Variants in TGFB1 observed in about 807,000 individuals in gnomAD.
TGFB1 encodes the protein transforming growth factor beta 1.
A neutral mutation model predicts 43.8 loss-of-function variants in TGFB1; 19 were observed. The observed-to-expected ratio is 0.43, with a 90% confidence interval of 0.30 to 0.64. TGFB1 has a LOEUF of 0.64. Among genes scored for constraint, TGFB1 ranks in the 30% least tolerant of loss-of-function variants. The probability of loss-of-function intolerance (pLI) is 0.11; values close to 1 mark genes in which losing one functional copy is unlikely to be tolerated. For missense variants in TGFB1, 445 were observed against 529.8 expected (o/e 0.84, Z 1.57); for synonymous variants, 221 against 236.3 (o/e 0.94, Z 0.60).
intron 2 of TGFB1, among the ~76,000 whole-genome samples, chr19:41,345,892 ACT>A (rs941534755): frequency 3.3e-5 from 5 of 151,166 alleles, no homozygotes; most frequent in Admixed American, 6.6e-5. Flanking sequence ...ACAGAGTGAG[ACT>A]CTGTCTCAAA....
chr19:41,342,340 C>T, intron 3 of TGFB1, 93 bp from the exon 4 acceptor site: 1 of 1,255,396 alleles, frequency 8.0e-7, no homozygotes. Flanking sequence ...CAGGGGCTTC[C>T]TTCCTGCCTC....
Position 41,353,059 on chromosome 19 carries a change from C to A in TGFB1, c.-15G>T. The A allele has an allele frequency of 4.6e-6, 7 of 1,514,694 alleles. No individual in the cohort carries two copies. Among genetic ancestry groups the A allele is most frequent in the Non-Finnish European group, 4.4e-6 (5 of 1,136,432 alleles). 93.8% of individuals were successfully genotyped at this position (1,514,694 alleles called of 1,614,324 possible). On this transcript the variant is annotated 5_prime_UTR_variant, in exon 1 of 7. Coordinates refer to ENST00000221930, the MANE Select transcript of TGFB1 (RefSeq NM_000660.7). This position sits in a 1 kb window ranked among gnomAD's most constrained non-coding sequence, Gnocchi z 5.9. ...GAGGGCGGCATGGGGGAGGCGGCGC[C>A]CCCCGGCACTGCCGAGAGCGCGAAC...
chr19:41,342,390 C>CTTTT (rs55678429), intron 3 of TGFB1, 143 bp from the exon 4 acceptor site: 3 of 432,302 alleles, frequency 6.9e-6, no homozygotes, highest in Non-Finnish European at 1.2e-5. Flanking sequence ...GCAGCTCTCT[C>CTTTT]TTTTTTTTTT....
intron 1 of TGFB1, among the ~76,000 whole-genome samples, chr19:41,352,137 C>G (rs2038208151): frequency 6.6e-6 from 1 of 152,002 alleles, no homozygotes; most frequent in Non-Finnish European, 1.5e-5. Flanking sequence ...CCGCGTGTTC[C>G]TGGCAGCCTC....
rs1235029131 is a variant in TGFB1 at position 41,348,444 on chromosome 19, T to C, written c.367A>G (p.Lys123Glu). 1.2e-6 allele frequency: 2 copies of C among 1,613,116 alleles called. No individual in the cohort carries two copies. The highest frequency in any genetic ancestry group is 2.7e-5 in the African/African-American group (2 of 74,962). ...ATGCTGTGTGTACTCTGCTTGAACT[T>C]GTCATAGATTTCTAGCAGGGAGAAA... The part of the protein sequence containing the change: ...MVETHNEIYD[K>E]FKQSTHSIYM... The change falls in exon 2 of 7, where the codon AAG (lysine) becomes GAG (glutamate). Residue 123 changes from lysine to glutamate, a missense_variant. Around this residue, in one of 3 missense-constraint regions of TGFB1, gnomAD observed 366 missense variants for 428.8 expected, o/e 0.85. Coordinates refer to ENST00000221930, the MANE Select transcript of TGFB1 (RefSeq NM_000660.7).
Position 41,330,531 on chromosome 19 carries a change from G to A in TGFB1, c.*521C>T, listed in dbSNP as rs2037917582. 6.5e-6 allele frequency: 1 copy of A among 152,750 alleles called. No homozygotes were observed. Among genetic ancestry groups the A allele is most frequent in the Admixed American group, 6.5e-5 (1 of 15,306 alleles). The allele number at this position is 152,750 out of a possible 1,614,324, so 9.5% of individuals were successfully genotyped here. On this transcript the variant is annotated 3_prime_UTR_variant, in exon 7 of 7. Transcript: ENST00000221930. The stretch of plus-strand genomic sequence containing the variant: ...ATTACAGGCGTGAGCCACCCCGCCT[G>A]GCCTGAACTACTATCTTTTATTGTC...
At chr19:41,348,069 T>A (rs1054047295) in intron 2 of TGFB1, among the ~76,000 whole-genome samples, 2 of 151,616 alleles carry the variant, frequency 1.3e-5, no homozygotes, top group African/African-American at 4.9e-5. Context: ...GAGGCGGAGA[T>A]TGCAGTGAGC....
intron 5 of TGFB1, among the ~76,000 whole-genome samples, chr19:41,335,570 C>T (rs181072225): frequency 1.3e-5 from 2 of 152,170 alleles, no homozygotes; most frequent in East Asian, 1.9e-4. Flanking sequence ...AACAACAGTC[C>T]GTGTTGAACA....
intron 1 of TGFB1, 58 bp from the exon 2 acceptor site, chr19:41,348,513 G>A: frequency 6.3e-7 from 1 of 1,583,750 alleles, no homozygotes; most frequent in South Asian, 1.1e-5. Flanking sequence ...AGGGGAGCTG[G>A]TGCTCCCAAC....
intron 5 of TGFB1, among the ~76,000 whole-genome samples, chr19:41,333,577 T>C (rs1157101335): frequency 6.6e-6 from 1 of 152,180 alleles, no homozygotes; most frequent in African/African-American, 2.4e-5. Context: ...CTGAGGCTGG[T>C]GTCGAACTTG....
At position 41,353,098 on chromosome 19, in the gene TGFB1, T is replaced by A; in HGVS notation, c.-54A>T. ...GAGAGCGCGAACAGGGCTGGTGTGGTGGGGAGGCCCCGCCCCTGCAGGGGC... is the reference window on the plus strand; with the variant it reads ...GAGAGCGCGAACAGGGCTGGTGTGGAGGGGAGGCCCCGCCCCTGCAGGGGC... On this transcript the variant is annotated 5_prime_UTR_variant, in exon 1 of 7. Transcript: ENST00000221930. The surrounding 1 kb of genome is among the most constrained non-coding windows in gnomAD (Gnocchi z 5.9). 6.9e-7 allele frequency: 1 copy of A among 1,450,972 alleles called. No homozygotes were observed. 89.9% of individuals were successfully genotyped at this position (1,450,972 alleles called of 1,614,324 possible). A position where few individuals can be genotyped will look rare whatever the true frequency, so the allele number is the denominator to read the frequency against.
At chr19:41,333,371 C>A (rs768968611) in intron 5 of TGFB1, among the ~76,000 whole-genome samples, 2 of 151,928 alleles carry the variant, frequency 1.3e-5, no homozygotes, top group East Asian at 3.9e-4. Context: ...TGCCACCATG[C>A]CCGGCTAATT....
chr19:41,341,911 G>A lies in TGFB1; in HGVS notation c.832C>T (p.Arg278Ter), dbSNP rs1599888650. The change falls in exon 5 of 7, where the codon CGA becomes TGA. Residue 278 changes from arginine to a stop codon, truncating the protein, a stop_gained. Coordinates refer to ENST00000221930, the MANE Select transcript of TGFB1 (RefSeq NM_000660.7). LOFTEE classifies it high-confidence loss of function. ...AAGCAATAGTTGGTGTCCAGGGCTC[G>A]GCGGTGCCGGGAGCTTTGCAGATGC... ...AQHLQSSRHR[R>*]ALDTNYCFSS... is the part of the protein sequence containing the mutation. The A allele has an allele frequency of 6.2e-7, 1 of 1,613,912 alleles. No homozygotes were observed.
Position 41,353,690 on chromosome 19 carries a change from C to T in TGFB1, c.-646G>A, listed in dbSNP as rs1406929840. 1 of 153,834 alleles carries T rather than the reference C, an allele frequency of 6.5e-6. No homozygotes were observed. The highest frequency in any genetic ancestry group is 6.5e-5 in the Admixed American group (1 of 15,300). 9.5% of individuals were successfully genotyped at this position (153,834 alleles called of 1,614,324 possible). ...TCCTCCCGCTCCTCCTCCCCCTCCT[C>T]CCCGCAGTGGCGGGGGCGGCGGCGG... On this transcript the variant is annotated 5_prime_UTR_variant, in exon 1 of 7. Transcript: ENST00000221930. This position sits in a 1 kb window ranked among gnomAD's most constrained non-coding sequence, Gnocchi z 5.9.
chr19:41,344,663 G>T, intron 3 of TGFB1, 84 bp downstream of exon 3: 1 of 1,263,862 alleles, frequency 7.9e-7, no homozygotes, highest in Admixed American at 1.7e-5. Flanking sequence ...GGGCGGAGAG[G>T]GGTCCTAGGC....
chr19:41,341,669 CAA>C (rs1437878083), intron 5 of TGFB1, among the ~76,000 whole-genome samples: 1 of 151,996 alleles, frequency 6.6e-6, no homozygotes, highest in African/African-American at 2.4e-5. Context: ...CTCAGCCTCC[CAA>C]AGTGTTGGGA....
At chr19:41,346,570 C>T (rs1308901422) in intron 2 of TGFB1, among the ~76,000 whole-genome samples, 2 of 152,176 alleles carry the variant, frequency 1.3e-5, no homozygotes, top group East Asian at 1.9e-4. Flanking sequence ...CTTCCAGATG[C>T]CCCAGTCCTC....
chr19:41,339,704 A>G (rs533484641), intron 5 of TGFB1, among the ~76,000 whole-genome samples: 6 of 152,180 alleles, frequency 3.9e-5, no homozygotes, highest in South Asian at 2.1e-4. Flanking sequence ...CACGCCTGTA[A>G]TCCCAGCTAC....
Position 41,353,201 on chromosome 19 carries a change from G to T in TGFB1, c.-157C>A. On this transcript the variant is annotated 5_prime_UTR_variant, in exon 1 of 7. Coordinates refer to ENST00000221930, the MANE Select transcript of TGFB1 (RefSeq NM_000660.7). This position sits in a 1 kb window ranked among gnomAD's most constrained non-coding sequence, Gnocchi z 5.9. The stretch of plus-strand genomic sequence containing the variant: ...CAGGGAGAAGGGCGCAGTGGTGGAG[G>T]GGAGGCTTGGACCGGGGGTGTCTCA... 2.1e-6 allele frequency: 2 copies of T among 930,850 alleles called. No individual in the cohort carries two copies. Among genetic ancestry groups the T allele is most frequent in the Non-Finnish European group, 3.1e-6 (2 of 653,184 alleles). The allele number at this position is 930,850 out of a possible 1,614,324, so 57.7% of individuals were successfully genotyped here. A position where few individuals can be genotyped will look rare whatever the true frequency, so the allele number is the denominator to read the frequency against.
Sources: allele counts gnomAD v4.1 joint callset (sites outside exome capture counted in the v4.1 genomes callset), GRCh38; gene constraint gnomAD v4.1.1; regional missense constraint gnomAD v4.1.1; non-coding constraint Gnocchi (gnomAD v3.1); transcripts MANE v1.5; gene names NCBI Gene and HGNC (gene_info 2026-07-23, HGNC 2026-07-21).